Variants in MGAT4C observed in about 807,000 individuals in gnomAD.
MGAT4C encodes the protein MGAT4 family member C, also known as alpha-1,3-mannosyl-glycoprotein 4-beta-N-acetylglucosaminyltransferase C.
Under a neutral mutation model 40.1 loss-of-function variants are expected in MGAT4C, and 19 were observed. The observed-to-expected ratio is 0.47, with a 90% CI of 0.33 to 0.70. MGAT4C has a LOEUF of 0.70. MGAT4C is among the 30% of genes least tolerant of loss of function. The pLI, the probability that MGAT4C is intolerant of heterozygous loss-of-function variation, is 0.02. For synonymous variants in MGAT4C, 181 were observed against 187.1 expected (o/e 0.97, Z 0.27); for missense variants, 491 against 563.2 (o/e 0.87, Z 1.30).
chr12:86,720,512 A>C (rs1950719964), intron 2 of MGAT4C, among the ~76,000 whole-genome samples: 1 of 152,154 alleles, frequency 6.6e-6, no homozygotes, highest in Admixed American at 6.6e-5. Flanking sequence ...AGGTCCTATT[A>C]ATATTAACAT....
intron 2 of MGAT4C, among the ~76,000 whole-genome samples, chr12:86,657,892 C>T (rs1963889233): frequency 6.6e-6 from 1 of 151,820 alleles, no homozygotes; most frequent in Non-Finnish European, 1.5e-5. Context: ...AGTGGTTCCC[C>T]AGGCTTATAG....
At chr12:86,698,526 A>G (rs1333785669) in intron 2 of MGAT4C, among the ~76,000 whole-genome samples, 1 of 152,150 alleles carries the variant, frequency 6.6e-6, no homozygotes, top group Non-Finnish European at 1.5e-5. Context: ...ATCTCTTTAC[A>G]TGACAGCAAT....
chr12:86,494,308 C>T (rs138042150), intron 2 of MGAT4C, among the ~76,000 whole-genome samples: 2,708 of 151,680 alleles, frequency 0.018, 105 homozygotes, highest in Admixed American at 0.1. Context: ...CCTTGCCTAG[C>T]CCTCTAAAAT....
intron 3 of MGAT4C, among the ~76,000 whole-genome samples, chr12:86,362,621 A>G (rs984518959): frequency 6.6e-6 from 1 of 152,248 alleles, no homozygotes; most frequent in Admixed American, 6.5e-5. Context: ...TCAAACTGGT[A>G]ACAGCAATTA....
chr12:86,569,140 T>C (rs1190727682), intron 2 of MGAT4C, among the ~76,000 whole-genome samples: 1 of 151,972 alleles, frequency 6.6e-6, no homozygotes, highest in Non-Finnish European at 1.5e-5. Context: ...GTTTTATGAC[T>C]AAGACATCAG....
At chr12:86,494,075 G>T (rs780788878) in intron 2 of MGAT4C, among the ~76,000 whole-genome samples, 11 of 151,950 alleles carry the variant, frequency 7.2e-5, no homozygotes, top group Non-Finnish European at 1.5e-4. Flanking sequence ...TAACAATCAA[G>T]ATGTAAAACC....
chr12:85,957,197 G>A lies in MGAT4C; in HGVS notation c.*22092C>T, dbSNP rs1236256768. On this transcript the variant is annotated 3_prime_UTR_variant, in exon 5 of 5. Coordinates refer to ENST00000611864, the MANE Select transcript of MGAT4C (RefSeq NM_001351288.2). ...TAATAACATGCTACCTGGGCTAAAAGCAGGAAGTTGAGGAAAGTTTATGTT... is the reference window on the plus strand; with the variant it reads ...TAATAACATGCTACCTGGGCTAAAAACAGGAAGTTGAGGAAAGTTTATGTT... The A allele has an allele frequency of 6.6e-6, 1 of 152,176 alleles. No individual in the cohort carries two copies. Among genetic ancestry groups the A allele is most frequent in the Non-Finnish European group, 1.5e-5 (1 of 68,030 alleles). 9.4% of individuals were successfully genotyped at this position (152,176 alleles called of 1,614,324 possible). A position where few individuals can be genotyped will look rare whatever the true frequency, so the allele number is the denominator to read the frequency against.
chr12:86,067,471 A>G (rs1036621347), intron 1 of MGAT4C, among the ~76,000 whole-genome samples: 2 of 149,096 alleles, frequency 1.3e-5, no homozygotes. Flanking sequence ...AAAACCAAAC[A>G]CCACATGTTC....
chr12:86,464,348 G>A (rs138730531), intron 2 of MGAT4C, among the ~76,000 whole-genome samples: 3 of 152,240 alleles, frequency 2.0e-5, no homozygotes, highest in South Asian at 2.1e-4. Flanking sequence ...AAGTAAAAAG[G>A]AGTAAGCAGT....
intron 2 of MGAT4C, among the ~76,000 whole-genome samples, chr12:86,647,895 A>T (rs1323678431): frequency 2.0e-5 from 3 of 151,866 alleles, no homozygotes; most frequent in Admixed American, 6.6e-5. Context: ...GCCTCAAGTT[A>T]TATGTTCCTG....
At chr12:86,254,743 C>CCAA (rs2136084514) in intron 1 of MGAT4C, among the ~76,000 whole-genome samples, 1 of 152,106 alleles carries the variant, frequency 6.6e-6, no homozygotes, top group East Asian at 1.9e-4. Context: ...AAAATTGACT[C>CCAA]TAGATGTATA....
At chr12:85,991,199 A>T (rs1341492914) in intron 2 of MGAT4C, among the ~76,000 whole-genome samples, 1 of 152,034 alleles carries the variant, frequency 6.6e-6, no homozygotes. Flanking sequence ...CTGCTGGTTG[A>T]TCCACCCTCT....
chr12:86,622,095 T>G (rs1018266791), intron 2 of MGAT4C, among the ~76,000 whole-genome samples: 1 of 152,178 alleles, frequency 6.6e-6, no homozygotes, highest in Admixed American at 6.5e-5. Context: ...GTTTGGTAGT[T>G]TAGGTGTATT....
At chr12:86,784,967 G>A (rs1951907594) in intron 1 of MGAT4C, among the ~76,000 whole-genome samples, 2 of 151,910 alleles carry the variant, frequency 1.3e-5, no homozygotes, top group Non-Finnish European at 2.9e-5. Flanking sequence ...ATGCTCTTGG[G>A]ATTAGACAGA....
rs147582470 is a variant in MGAT4C at position 86,032,888 on chromosome 12, A to G, written c.-7+16786T>C. ...TCCTAGGTTATCTTCTATAGTTTAT[A>G]TCATTTTAGGTTTAACATTTAAGTC... On this transcript the variant is annotated intron_variant, in intron 2 of 4. Transcript: ENST00000611864. Among the ~76,000 whole-genome samples the G allele has an allele frequency of 6.5e-4, 98 of 149,956 alleles. 4 individuals carry two copies. The highest frequency in any genetic ancestry group is 2.1e-3 in the African/African-American group (86 of 41,356).
At chr12:86,223,107 C>T (rs1053860281) in intron 1 of MGAT4C, among the ~76,000 whole-genome samples, 8 of 152,300 alleles carry the variant, frequency 5.3e-5, no homozygotes, top group African/African-American at 1.9e-4. Flanking sequence ...ATTCTGAGAT[C>T]CAAGTCCCCA....
At chr12:86,136,914 C>T (rs1015771944) in intron 1 of MGAT4C, among the ~76,000 whole-genome samples, 1 of 152,102 alleles carries the variant, frequency 6.6e-6, no homozygotes, top group African/African-American at 2.4e-5. Flanking sequence ...TCTCGAACTC[C>T]TAACCTTGTG....
In MGAT4C at chr12:86,734,474, T is replaced by C. The variant is rs573598726; in HGVS notation, c.-261-7233A>G. On this transcript the variant is annotated intron_variant, in intron 1 of 7. Transcript: ENST00000548651. Reference sequence around the variant, plus strand: ...TGAGCTGAATATTTGTGCCCTCCTCTCAAAATTCATATATACAAATCCTCA... The same window carrying C: ...TGAGCTGAATATTTGTGCCCTCCTCCCAAAATTCATATATACAAATCCTCA... Among the ~76,000 whole-genome samples the C allele has an allele frequency of 2.6e-5, 4 of 152,128 alleles. No individual in the cohort carries two copies. The South Asian group carries it at 6.2e-4, about 24-fold the overall frequency.
intron 1 of MGAT4C, among the ~76,000 whole-genome samples, chr12:86,205,380 C>A (rs1365108335): frequency 2.7e-5 from 4 of 150,568 alleles, no homozygotes; most frequent in Non-Finnish European, 4.4e-5. Context: ...TTTAAAATTC[C>A]CCCTTGAAAA....
Sources: allele counts gnomAD v4.1 joint callset (sites outside exome capture counted in the v4.1 genomes callset), GRCh38; gene constraint gnomAD v4.1.1; transcripts MANE v1.5; gene names NCBI Gene and HGNC (gene_info 2026-07-23, HGNC 2026-07-21).